Variants in EEF2KMT observed in about 807,000 individuals in gnomAD.
EEF2KMT encodes the protein eukaryotic elongation factor 2 lysine methyltransferase.
EEF2KMT carries 30 observed loss-of-function variants against 35.1 expected under a neutral mutation model. The ratio of observed to expected loss-of-function variants is 0.85; its 90% CI spans 0.64 to 1.16. The LOEUF (loss-of-function observed/expected upper bound fraction) is 1.16. EEF2KMT is among the 50% of genes most tolerant of loss of function. The pLI, the probability that EEF2KMT is intolerant of heterozygous loss-of-function variation, is 0.00. For missense variants in EEF2KMT, 499 were observed against 438.2 expected, an observed-to-expected ratio of 1.14 and a Z score of -1.24; for synonymous variants, 190 against 187.7, an observed-to-expected ratio of 1.01 and a Z score of -0.10.
chr16:5,096,675 G>C (rs1271546706), intron 1 of EEF2KMT, among the ~76,000 whole-genome samples: 1 of 152,114 alleles, frequency 6.6e-6, no homozygotes, highest in African/African-American at 2.4e-5. Context: ...CTGTCTCCTG[G>C]GTCTGAACTC....
At chr16:5,095,093 G>C (rs1026280297) in intron 2 of EEF2KMT, among the ~76,000 whole-genome samples, 1 of 152,210 alleles carries the variant, frequency 6.6e-6, no homozygotes, top group African/African-American at 2.4e-5. Context: ...GGAGTGGGCA[G>C]GACAGGCCTC....
At chr16:5,095,096 C>T (rs868169615) in intron 2 of EEF2KMT, among the ~76,000 whole-genome samples, 1 of 152,302 alleles carries the variant, frequency 6.6e-6, no homozygotes, top group Middle Eastern at 3.4e-3. Flanking sequence ...GTGGGCAGGA[C>T]AGGCCTCATG....
chr16:5,090,448 C>T lies in EEF2KMT; in HGVS notation c.460G>A (p.Ala154Thr). ...YLAEWAIENP[A>T]VFTNRTVLEL... ...CGAGGTCACCTGTTAGTGAAGACTG[C>T]CGGGTTCTCGATGGCCCATTCTGCA... Residue 154 changes from alanine (A) to threonine (T), a missense_variant, in exon 5 of 8, where the codon GCA (alanine) becomes ACA (threonine). Ala to Thr is a moderately conservative substitution (Grantham distance 58). Transcript: ENST00000427587. The surrounding 1 kb of genome is among the most constrained non-coding windows in gnomAD (Gnocchi z 4.1). The T allele has an allele frequency of 6.2e-7, 1 of 1,612,026 alleles. No homozygotes were observed. The highest frequency in any genetic ancestry group is 8.5e-7 in the Non-Finnish European group (1 of 1,179,862).
chr16:5,093,664 T>C, intron 2 of EEF2KMT, 100 bp from the exon 3 acceptor site: 1 of 1,571,966 alleles, frequency 6.4e-7, no homozygotes, highest in South Asian at 1.2e-5. Flanking sequence ...GGCTACCCGA[T>C]CCCTCAGCAA....
rs529631996 is a variant in EEF2KMT at position 5,091,854 on chromosome 16, T to G, written c.282A>C (p.Glu94Asp). Reference sequence around the variant, plus strand: ...TGGCCATCAGGGTCTCCGCCAGCGCTTCATACAGCTCGTCCAAAGGCTCTG... The same window carrying G: ...TGGCCATCAGGGTCTCCGCCAGCGCGTCATACAGCTCGTCCAAAGGCTCTG... ...VHTEPLDELY[E>D]ALAETLMAKE... The change falls in exon 4 of 8, where the codon GAA becomes GAC. Residue 94 changes from glutamate to aspartate, a missense_variant. Transcript: ENST00000427587. The G allele has an allele frequency of 1.2e-6, 2 of 1,611,820 alleles. No individual in the cohort carries two copies. Among genetic ancestry groups the G allele is most frequent in the Admixed American group, 3.3e-5 (2 of 60,010 alleles).
chr16:5,095,420 G>A, intron 2 of EEF2KMT, 32 bp downstream of exon 2: 8 of 1,610,920 alleles, frequency 5.0e-6, no homozygotes, highest in Non-Finnish European at 6.8e-6. Context: ...AGGAGGCAGG[G>A]TCATGAGTCC....
At chr16:5,097,065 G>C (rs1460659770) in intron 1 of EEF2KMT, among the ~76,000 whole-genome samples, 1 of 152,210 alleles carries the variant, frequency 6.6e-6, no homozygotes, top group Admixed American at 6.5e-5. Context: ...CCCTCTGCTG[G>C]CAGAAGGGAG....
intron 4 of EEF2KMT, 130 bp downstream of exon 4, chr16:5,091,664 G>A (rs1957342723): frequency 2.1e-6 from 3 of 1,461,290 alleles, no homozygotes; most frequent in Non-Finnish European, 2.7e-6. Flanking sequence ...GGCTAAAGAA[G>A]GTTGACGGAC....
intron 2 of EEF2KMT, among the ~76,000 whole-genome samples, chr16:5,094,286 A>G (rs1957405955): frequency 6.6e-6 from 1 of 152,136 alleles, no homozygotes; most frequent in South Asian, 2.1e-4. Context: ...ATTCTGACAC[A>G]GAGTCTCGCC....
chr16:5,089,638 G>A (rs535722773), intron 6 of EEF2KMT, among the ~76,000 whole-genome samples: 3 of 152,142 alleles, frequency 2.0e-5, no homozygotes, highest in Middle Eastern at 3.2e-3. Context: ...GGCCACCGCT[G>A]GACCTGTGGG....
intron 3 of EEF2KMT, among the ~76,000 whole-genome samples, chr16:5,093,139 T>G (rs1466810453): frequency 2.0e-5 from 3 of 152,118 alleles, no homozygotes; most frequent in African/African-American, 7.2e-5. Context: ...AGCAGGAAAC[T>G]CCAAACCCTT....
chr16:5,089,877 T>C (rs1957303437), intron 6 of EEF2KMT, among the ~76,000 whole-genome samples: 1 of 152,210 alleles, frequency 6.6e-6, no homozygotes, highest in African/African-American at 2.4e-5. Context: ...GGAGTATGCC[T>C]GTCTCCAAAA....
At position 5,085,100 on chromosome 16, in the gene EEF2KMT, T is replaced by C; in HGVS notation, c.*532A>G. ...AGGCTTGGAAACGCTTCCTCTCTTC[T>C]TCTGTTCTTCACGCCCCATGCCCCT... is the stretch of plus-strand genomic sequence containing the variant. On this transcript the variant is annotated 3_prime_UTR_variant, in exon 8 of 8. Coordinates refer to ENST00000427587, the MANE Select transcript of EEF2KMT (RefSeq NM_201400.4). 1 of 797,920 alleles carries C rather than the reference T, an allele frequency of 1.3e-6. No homozygotes were observed. Among genetic ancestry groups the C allele is most frequent in the South Asian group, 1.8e-5 (1 of 56,882 alleles). 49.4% of individuals were successfully genotyped at this position (797,920 alleles called of 1,614,324 possible).
rs1957115488 is a variant in EEF2KMT, at chr16:5,085,308, A to C, written c.*324T>G. 2.0e-6 allele frequency: 1 copy of C among 494,608 alleles called. No individual in the cohort carries two copies. Among genetic ancestry groups the C allele is most frequent in the Non-Finnish European group, 3.7e-6 (1 of 271,230 alleles). The allele number at this position is 494,608 out of a possible 1,614,324, so 30.6% of individuals were successfully genotyped here. On this transcript the variant is annotated 3_prime_UTR_variant, in exon 8 of 8. Transcript: ENST00000427587. ...CTGCAGTGGGCTTGGCTTTGTGAGGAACTGAGTGTGTCCACGTTGGGGGAA... is the reference window on the plus strand; with the variant it reads ...CTGCAGTGGGCTTGGCTTTGTGAGGCACTGAGTGTGTCCACGTTGGGGGAA...
At chr16:5,088,107 A>G in intron 7 of EEF2KMT, among the ~76,000 whole-genome samples, 1 of 151,776 alleles carries the variant, frequency 6.6e-6, no homozygotes, top group Non-Finnish European at 1.5e-5. Flanking sequence ...ACATCTGGCT[A>G]GCTTCTGTAT....
At chr16:5,094,876 G>A (rs1234993544) in intron 2 of EEF2KMT, among the ~76,000 whole-genome samples, 1 of 152,204 alleles carries the variant, frequency 6.6e-6, no homozygotes, top group Non-Finnish European at 1.5e-5. Context: ...CTGCGAGGGA[G>A]TCTATTGCTT....
chr16:5,085,595 T>C lies in EEF2KMT; in HGVS notation c.*37A>G. 2.1e-6 allele frequency: 3 copies of C among 1,412,718 alleles called. No individual in the cohort carries two copies. The highest frequency in any genetic ancestry group is 3.0e-6 in the Non-Finnish European group (3 of 998,082). The allele number at this position is 1,412,718 out of a possible 1,614,324, so 87.5% of individuals were successfully genotyped here. ...TAAAAATTCTTCCCATGAGAGTGAC[T>C]TGATTCTCACAATCCCGTTGGAGTC... is the stretch of plus-strand genomic sequence containing the variant. On this transcript the variant is annotated 3_prime_UTR_variant, in exon 8 of 8. Coordinates refer to ENST00000427587, the MANE Select transcript of EEF2KMT (RefSeq NM_201400.4).
chr16:5,088,528 T>C (rs1385445221), intron 7 of EEF2KMT, among the ~76,000 whole-genome samples: 1 of 151,992 alleles, frequency 6.6e-6, no homozygotes, highest in African/African-American at 2.4e-5. Context: ...CTGCGGGAGC[T>C]CGGGGGTCTC....
rs567049749 is a variant in EEF2KMT at position 5,089,087 on chromosome 16, G to A, written c.892+20C>T. On this transcript the variant is annotated intron_variant, in intron 7 of 7. Coordinates refer to ENST00000427587, the MANE Select transcript of EEF2KMT (RefSeq NM_201400.4). ...GACAGCTCAGGGACCATGCAGGCCC[G>A]GGTGGGCGTGGAGGCTCACCTAGCT... The A allele has an allele frequency of 1.9e-5, 30 of 1,611,912 alleles. No individual in the cohort carries two copies. The highest frequency in any genetic ancestry group is 4.4e-5 in the South Asian group (4 of 91,022).
Sources: gnomAD v4.1 joint callset for allele counts (sites outside exome capture counted in the v4.1 genomes callset) on GRCh38, gnomAD v4.1.1 for gene constraint, Gnocchi (gnomAD v3.1) non-coding constraint, MANE v1.5 for transcripts, NCBI Gene and HGNC (gene_info 2026-07-23, HGNC 2026-07-21) for gene names.